Variants in LAIR2 observed in about 807,000 individuals in gnomAD.
LAIR2 encodes leukocyte associated immunoglobulin like receptor 2, also known as leukocyte-associated immunoglobulin-like receptor 2.
LAIR2 carries 14 observed loss-of-function variants against 14.8 expected under a neutral mutation model. The observed-to-expected ratio is 0.95, with a 90% CI of 0.62 to 1.48. The LOEUF (loss-of-function observed/expected upper bound fraction) is 1.48. Among genes scored for constraint, LAIR2 ranks in the 40% most tolerant of loss-of-function variants. LAIR2 has a pLI of 0.00. For synonymous variants in LAIR2, 75 were observed against 74.5 expected (o/e 1.01, Z -0.03); for missense variants, 172 against 180.9 (o/e 0.95, Z 0.28).
intron 3 of LAIR2, 100 bp downstream of exon 3, chr19:54,508,284 C>A: frequency 1.7e-6 from 2 of 1,196,594 alleles, no homozygotes; most frequent in Non-Finnish European, 2.4e-6. Context: ...CTCTCTGTGG[C>A]CACCGTTGCC....
Position 54,503,682 on chromosome 19 carries a change from C to T in LAIR2, c.35-18C>T. On this transcript the variant is annotated intron_variant, in intron 1 of 4. Coordinates refer to ENST00000301202, the MANE Select transcript of LAIR2 (RefSeq NM_002288.6). ...GACTGGGCAGTGGGCATTTTTCTCACTGGGGCTTCTCTTCCAGTGCTCTGC... is the reference window on the plus strand; with the variant it reads ...GACTGGGCAGTGGGCATTTTTCTCATTGGGGCTTCTCTTCCAGTGCTCTGC... 1 of 1,613,964 alleles carries T rather than the reference C, an allele frequency of 6.2e-7. No individual in the cohort carries two copies. Among genetic ancestry groups the T allele is most frequent in the Non-Finnish European group, 8.5e-7 (1 of 1,179,908 alleles).
At chr19:54,508,398 G>T (rs1460646817) in intron 3 of LAIR2, among the ~76,000 whole-genome samples, 3 of 152,138 alleles carry the variant, frequency 2.0e-5, no homozygotes, top group Admixed American at 2.0e-4. Flanking sequence ...TCCTCTGGAC[G>T]CCACAGATGG....
chr19:54,507,850 C>T, intron 2 of LAIR2, 41 bp from the exon 3 acceptor site: 1 of 1,578,552 alleles, frequency 6.3e-7, no homozygotes. Flanking sequence ...ATGGTGACTT[C>T]CTACAGTGGA....
intron 4 of LAIR2, among the ~76,000 whole-genome samples, chr19:54,509,673 G>A (rs370176030): frequency 6.7e-6 from 1 of 148,944 alleles, no homozygotes; most frequent in South Asian, 2.2e-4. Flanking sequence ...GCTCCACAGG[G>A]AGGGGACGTA....
intron 1 of LAIR2, 72 bp downstream of exon 1, chr19:54,503,024 G>A: frequency 7.0e-7 from 1 of 1,422,898 alleles, no homozygotes; most frequent in Non-Finnish European, 9.8e-7. Context: ...GCTCAAGCCT[G>A]ACTCTAGTCC....
At chr19:54,502,977 G>A (rs1190948462) in intron 1 of LAIR2, 25 bp downstream of exon 1, 14 of 1,604,658 alleles carry the variant, frequency 8.7e-6, no homozygotes, top group Non-Finnish European at 1.1e-5. Context: ...GAGCGGGAAG[G>A]ACTGGAAAGG....
intron 1 of LAIR2, among the ~76,000 whole-genome samples, chr19:54,503,173 G>T (rs2085305650): frequency 6.6e-6 from 1 of 152,068 alleles, no homozygotes; most frequent in Non-Finnish European, 1.5e-5. Context: ...TTTAAGAAGG[G>T]CTGGGGGGCC....
Position 54,510,558 on chromosome 19 carries a change from G to C in LAIR2, c.448G>C (p.Asp150His). The change falls in exon 5 of 5, where the codon GAT becomes CAT. Residue 150 changes from aspartate to histidine, a missense_variant. Coordinates refer to ENST00000301202, the MANE Select transcript of LAIR2 (RefSeq NM_002288.6). The stretch of plus-strand genomic sequence containing the variant: ...GCCAGGCACTGAAGCCTCCGGATTT[G>C]ATGCACCATGAATGAGGAGAAATGG... ...TVPGTEASGF[D>H]AP is the part of the protein sequence containing the mutation. The C allele has an allele frequency of 6.2e-7, 1 of 1,613,828 alleles. No homozygotes were observed.
At chr19:54,509,861 C>G (rs994085617) in intron 4 of LAIR2, among the ~76,000 whole-genome samples, 7 of 151,076 alleles carry the variant, frequency 4.6e-5, no homozygotes, top group Non-Finnish European at 8.9e-5. Context: ...GATCTGTGAC[C>G]AGAAACTGCC....
At chr19:54,503,574 G>C in intron 1 of LAIR2, 126 bp from the exon 2 acceptor site, 1 of 1,106,678 alleles carries the variant, frequency 9.0e-7, no homozygotes, top group Non-Finnish European at 1.4e-6. Context: ...CAGTGATGTC[G>C]AGGAGGGTTG....
rs759067931 is a variant in LAIR2 at position 54,507,978 on chromosome 19, T to A, written c.158T>A (p.Val53Asp). 2.2e-5 allele frequency: 35 copies of A among 1,613,822 alleles called. No homozygotes were observed. The highest frequency in any genetic ancestry group is 5.5e-5 in the South Asian group (5 of 91,074). ...GTGACTTTCATGTGCCGGGGCCCGG[T>A]TGGGGTTCAAACATTCCGCCTGGAG... Reference protein sequence around the residue: ...SHVTFMCRGPVGVQTFRLERE... With the variant: ...SHVTFMCRGPDGVQTFRLERE... Residue 53 changes from valine (V) to aspartate (D), a missense_variant, in exon 3 of 5, where the codon GTT becomes GAT. Val to Asp is a radical substitution (Grantham distance 152). Transcript: ENST00000301202.
intron 2 of LAIR2, among the ~76,000 whole-genome samples, chr19:54,506,538 C>T (rs1265885250): frequency 1.3e-5 from 2 of 152,140 alleles, no homozygotes; most frequent in African/African-American, 4.8e-5. Flanking sequence ...AGGAGGTCAG[C>T]TCCACCGCCC....
rs1478417000 is a variant in LAIR2, at chr19:54,505,275, T to G, written c.70+1540T>G. 5.3e-5 allele frequency among the ~76,000 whole-genome samples: 8 copies of G among 152,244 alleles called. No individual in the cohort carries two copies. The East Asian group carries it at 7.7e-4, about 15-fold the overall frequency. ...AGCCCACACTTCACTCGGCAGCTTC[T>G]TGGCGGGGAACGTGACAGTCACAAA... On this transcript the variant is annotated intron_variant, in intron 2 of 4. Coordinates refer to ENST00000301202, the MANE Select transcript of LAIR2 (RefSeq NM_002288.6).
At chr19:54,504,011 G>A (rs2085321431) in intron 2 of LAIR2, among the ~76,000 whole-genome samples, 1 of 151,948 alleles carries the variant, frequency 6.6e-6, no homozygotes, top group Non-Finnish European at 1.5e-5. Flanking sequence ...AGGCTAGAAT[G>A]CAGTGGCATA....
intron 2 of LAIR2, among the ~76,000 whole-genome samples, chr19:54,505,410 G>A (rs1218978238): frequency 6.6e-6 from 1 of 151,654 alleles, no homozygotes; most frequent in Non-Finnish European, 1.5e-5. Context: ...TCTCTTCATC[G>A]ACTTTTCCTG....
Position 54,506,492 on chromosome 19 carries a change from C to G in LAIR2, c.71-1399C>G, listed in dbSNP as rs578088279. Among the ~76,000 whole-genome samples, 7 of 152,282 alleles carry G rather than the reference C, an allele frequency of 4.6e-5. No homozygotes were observed. In the South Asian group the frequency reaches 1.0e-3, roughly 23 times the overall value. On this transcript the variant is annotated intron_variant, in intron 2 of 4. Transcript: ENST00000301202. ...CAGGGAGTTTCTACTCCTCCCTCAG[C>G]TCTCAGCTCAGAGAGAGCTTCCCCT...
chr19:54,508,268 T>G, intron 3 of LAIR2, 84 bp downstream of exon 3: 4 of 1,392,058 alleles, frequency 2.9e-6, no homozygotes, highest in Non-Finnish European at 3.9e-6. Flanking sequence ...TCCCGGCTGC[T>G]GTCCTCTCTC....
At chr19:54,510,444 C>A (rs1238991972) in intron 4 of LAIR2, 82 bp from the exon 5 acceptor site, 7 of 1,134,914 alleles carry the variant, frequency 6.2e-6, no homozygotes, top group Non-Finnish European at 9.2e-6. Flanking sequence ...CAGGTACACA[C>A]GGCGCTGACA....
intron 2 of LAIR2, among the ~76,000 whole-genome samples, chr19:54,507,392 C>T (rs1157389125): frequency 6.6e-6 from 1 of 151,928 alleles, no homozygotes; most frequent in Non-Finnish European, 1.5e-5. Context: ...CTCACCCCAC[C>T]AGACCCTCAA....
Sources: gnomAD v4.1 joint callset for allele counts (sites outside exome capture counted in the v4.1 genomes callset) on GRCh38, gnomAD v4.1.1 for gene constraint, MANE v1.5 for transcripts, NCBI Gene and HGNC (gene_info 2026-07-23, HGNC 2026-07-21) for gene names.